Variants in GRIA4 observed in about 807,000 individuals in gnomAD.
The protein encoded by GRIA4 is glutamate receptor 4.
In GRIA4, 34 loss-of-function variants were observed where a neutral mutation model predicts 104.0. The observed-to-expected ratio is 0.33, with a 90% CI of 0.25 to 0.44. The LOEUF is 0.44. Among genes scored for constraint, GRIA4 ranks in the 20% least tolerant of loss-of-function variants. The probability of loss-of-function intolerance (pLI) is 1.00; values close to 1 mark genes in which losing one functional copy is unlikely to be tolerated. For missense variants in GRIA4, 750 were observed against 1,096.5 expected (o/e 0.68, Z 4.46); for synonymous variants, 386 against 381.9 (o/e 1.01, Z -0.13).
At chr11:105,620,591 A>AC (rs1322859470) in intron 3 of GRIA4, among the ~76,000 whole-genome samples, 2 of 151,724 alleles carry the variant, frequency 1.3e-5, no homozygotes, top group Non-Finnish European at 2.9e-5. Flanking sequence ...ACTTTTACTT[A>AC]CCCCAACAAA....
chr11:105,641,386 C>T (rs1951354674), intron 3 of GRIA4, among the ~76,000 whole-genome samples: 6 of 152,116 alleles, frequency 3.9e-5, no homozygotes, highest in Admixed American at 3.9e-4. Flanking sequence ...CACTCATGCT[C>T]CTTATAGCAG....
At chr11:105,686,667 C>T (rs1413069357) in intron 3 of GRIA4, among the ~76,000 whole-genome samples, 1 of 152,160 alleles carries the variant, frequency 6.6e-6, no homozygotes, top group Non-Finnish European at 1.5e-5. Context: ...TCCACAGTGA[C>T]TGAACTAATT....
rs543286405 is a variant in GRIA4, at chr11:105,629,650, C to T, written c.247+17216C>T. Among the ~76,000 whole-genome samples the T allele has an allele frequency of 2.0e-5, 3 of 152,276 alleles. No homozygotes were observed. The East Asian group carries it at 5.8e-4, about 29-fold the overall frequency. On this transcript the variant is annotated intron_variant, in intron 3 of 16. Coordinates refer to ENST00000282499, the MANE Select transcript of GRIA4 (RefSeq NM_000829.4). Reference sequence around the variant, plus strand: ...CATGTTTACAAAAAGCATATATTAACACTTTTCTTGATTCATAATATCTAA... The same window carrying T: ...CATGTTTACAAAAAGCATATATTAATACTTTTCTTGATTCATAATATCTAA...
Position 105,974,455 on chromosome 11 carries a change from G to GTGCACAGAC in GRIA4, c.2544+13_2544+21dup. The GTGCACAGAC allele has an allele frequency of 1.2e-6, 2 of 1,613,990 alleles. No homozygotes were observed. Among genetic ancestry groups the GTGCACAGAC allele is most frequent in the Admixed American group, 3.3e-5 (2 of 60,004 alleles). On this transcript the variant is annotated intron_variant, in intron 16 of 16. Coordinates refer to ENST00000282499, the MANE Select transcript of GRIA4 (RefSeq NM_000829.4). ...GCGAAGAGAATGAAGGTGGCAAAGA[G>GTGCACAGAC]TGCACAGACTTTTAACCCAACTTCC... is the stretch of plus-strand genomic sequence containing the variant.
rs761198889 is a variant in GRIA4 at position 105,910,478 on chromosome 11, A to T, written c.1202A>T (p.Asp401Val). 1 of 1,601,510 alleles carries T rather than the reference A, an allele frequency of 6.2e-7. No homozygotes were observed. The highest frequency in any genetic ancestry group is 8.6e-7 in the Non-Finnish European group (1 of 1,168,618). ...ATGGATAAGTTAGTCTTGATTCAAG[A>T]TGTACCAACTCTTGGCAATGACACA... ...NDMDKLVLIQ[D>V]VPTLGNDTAA... Residue 401 changes from aspartate (D) to valine (V), a missense_variant, in exon 10 of 17, where the codon GAT becomes GTT. By Grantham distance (152) the Asp-to-Val change is radical (BLOSUM62 -3). Transcript: ENST00000282499.
At chr11:105,703,713 G>A (rs995944861) in intron 3 of GRIA4, among the ~76,000 whole-genome samples, 5 of 151,998 alleles carry the variant, frequency 3.3e-5, no homozygotes, top group African/African-American at 1.2e-4. Flanking sequence ...ATAGAAAAGA[G>A]TTAAGACTAT....
In GRIA4 at chr11:105,932,047, CT is replaced by C. The variant is rs199671973; in HGVS notation, c.2047-1662del. The stretch of plus-strand genomic sequence containing the variant: ...GACGTAAGTCTGAATGAGGTCTTCA[CT>C]TTTTTTTTTTTTGGATTCAGATACA... On this transcript the variant is annotated intron_variant, in intron 13 of 16. Transcript: ENST00000282499. Among the ~76,000 whole-genome samples, 951 of 144,654 alleles carry C rather than the reference CT, an allele frequency of 6.6e-3. 3 individuals carry two copies. Among genetic ancestry groups the C allele is most frequent in the Non-Finnish European group, 9.2e-3 (602 of 65,788 alleles). 94.9% of individuals were successfully genotyped at this position (144,654 alleles called of 152,430 possible).
chr11:105,673,209 T>C (rs960380266), intron 3 of GRIA4, among the ~76,000 whole-genome samples: 2 of 152,154 alleles, frequency 1.3e-5, no homozygotes, highest in African/African-American at 4.8e-5. Context: ...CCTACCTCAG[T>C]GCATTGTACT....
chr11:105,966,145 C>A, intron 14 of GRIA4: 1 of 913,160 alleles, frequency 1.1e-6, no homozygotes, highest in Non-Finnish European at 1.8e-6. Flanking sequence ...TTTGGACCTC[C>A]TAATACCAGT....
chr11:105,787,151 A>G (rs1405096977), intron 4 of GRIA4, among the ~76,000 whole-genome samples: 2 of 152,200 alleles, frequency 1.3e-5, no homozygotes, highest in African/African-American at 4.8e-5. Context: ...CCAGTTCAGA[A>G]GTGTTCCAAA....
intron 3 of GRIA4, among the ~76,000 whole-genome samples, chr11:105,700,204 A>T (rs1953436351): frequency 1.3e-5 from 2 of 152,216 alleles, no homozygotes; most frequent in South Asian, 2.1e-4. Context: ...ATTTTTGATA[A>T]CCATTGACTT....
At chr11:105,632,740 T>A (rs939148511) in intron 3 of GRIA4, among the ~76,000 whole-genome samples, 29 of 152,212 alleles carry the variant, frequency 1.9e-4, no homozygotes, top group African/African-American at 6.7e-4. Flanking sequence ...TCAAGACCAG[T>A]CTGGGCAACA....
At chr11:105,966,141 C>T (rs1270388182) in intron 14 of GRIA4, 3 of 924,622 alleles carry the variant, frequency 3.2e-6, no homozygotes, top group East Asian at 2.5e-5. Flanking sequence ...ATGGTTTGGA[C>T]CTCCTAATAC....
intron 4 of GRIA4, among the ~76,000 whole-genome samples, chr11:105,812,014 C>T (rs1943192430): frequency 6.6e-6 from 1 of 152,222 alleles, no homozygotes; most frequent in Non-Finnish European, 1.5e-5. Context: ...GAGTAAGATG[C>T]TCCATTACTG....
rs184758406 is a variant in GRIA4 at position 105,691,504 on chromosome 11, A to G, written c.248-61477A>G. 2.2e-3 allele frequency among the ~76,000 whole-genome samples: 336 copies of G among 152,334 alleles called. 3 individuals carry two copies. Among genetic ancestry groups the G allele is most frequent in the African/African-American group, 7.5e-3 (312 of 41,574 alleles). On this transcript the variant is annotated intron_variant, in intron 3 of 16. Coordinates refer to ENST00000282499, the MANE Select transcript of GRIA4 (RefSeq NM_000829.4). ...AGTAGTTTGCTTGGCTTAATTAAAAATTAGCTCTAAACAACTATGCCTCAG... is the reference window on the plus strand; with the variant it reads ...AGTAGTTTGCTTGGCTTAATTAAAAGTTAGCTCTAAACAACTATGCCTCAG...
chr11:105,960,802 T>C (rs1238746510), intron 14 of GRIA4, among the ~76,000 whole-genome samples: 1 of 152,196 alleles, frequency 6.6e-6, no homozygotes, highest in Non-Finnish European at 1.5e-5. Context: ...CACAGTTCCA[T>C]GGGAAAAAGC....
intron 3 of GRIA4, among the ~76,000 whole-genome samples, chr11:105,705,429 T>C (rs1953660107): frequency 6.6e-6 from 1 of 151,948 alleles, no homozygotes; most frequent in Non-Finnish European, 1.5e-5. Context: ...ACTACAAATT[T>C]AAAAACAAAA....
At chr11:105,894,957 G>A (rs1358297373) in intron 6 of GRIA4, among the ~76,000 whole-genome samples, 3 of 137,470 alleles carry the variant, frequency 2.2e-5, no homozygotes, top group African/African-American at 5.4e-5. Flanking sequence ...CCGCCACCGC[G>A]CCCGGCTAAT....
chr11:105,937,976 G>C (rs558319339), intron 14 of GRIA4, among the ~76,000 whole-genome samples: 6 of 152,110 alleles, frequency 3.9e-5, no homozygotes, highest in East Asian at 3.9e-4. Context: ...AGCACGGCAG[G>C]GGGAGGAAAT....
Sources: allele counts gnomAD v4.1 joint callset (sites outside exome capture counted in the v4.1 genomes callset), GRCh38; gene constraint gnomAD v4.1.1; transcripts MANE v1.5; gene names NCBI Gene and HGNC (gene_info 2026-07-23, HGNC 2026-07-21).